Variants in SCN7A observed in about 807,000 individuals in gnomAD.
The protein encoded by SCN7A is sodium voltage-gated channel alpha subunit 7.
A neutral mutation model predicts 155.2 loss-of-function variants in SCN7A; 138 were observed. The observed-to-expected ratio is 0.89, with a 90% CI of 0.77 to 1.02. SCN7A has a LOEUF of 1.02. SCN7A is among the 50% of genes least tolerant of loss of function. The probability of loss-of-function intolerance (pLI) is 0.00; values close to 1 mark genes in which losing one functional copy is unlikely to be tolerated. For missense variants in SCN7A, 2,058 were observed against 1,986.6 expected, an observed-to-expected ratio of 1.04 and a Z score of -0.68; for synonymous variants, 693 against 649.0, an observed-to-expected ratio of 1.07 and a Z score of -1.03.
chr2:166,443,584 A>T lies in SCN7A; in HGVS notation c.1719T>A (p.Asp573Glu). The T allele has an allele frequency of 1.9e-6, 3 of 1,587,644 alleles. No homozygotes were observed. The highest frequency in any genetic ancestry group is 2.6e-6 in the Non-Finnish European group (3 of 1,165,966). The change falls in exon 14 of 26, where the codon GAT becomes GAA. Residue 573 changes from aspartate to glutamate, a missense_variant. Asp to Glu is a conservative substitution (Grantham distance 45). Coordinates refer to ENST00000643258, the MANE Select transcript of SCN7A (RefSeq NM_002976.4). Reference sequence around the variant, plus strand: ...TTAAACCATGGAACACTATCATGCTATCAAAAATGTTCCAACCTACTTGGA... The same window carrying T: ...TTAAACCATGGAACACTATCATGCTTTCAAAAATGTTCCAACCTACTTGGA... ...GYFQVGWNIF[D>E]SMIVFHGLIE...
intron 15 of SCN7A, among the ~76,000 whole-genome samples, chr2:166,436,104 T>C (rs1410871331): frequency 6.6e-6 from 1 of 152,190 alleles, no homozygotes; most frequent in African/African-American, 2.4e-5. Context: ...CCATTAAGTA[T>C]GGTCAGGTTC....
chr2:166,465,481 C>G lies in SCN7A; in HGVS notation c.922G>C (p.Gly308Arg). Residue 308 changes from glycine (G) to arginine (R), a missense_variant, in exon 9 of 26, where the codon GGC (glycine) becomes CGC (arginine). Transcript: ENST00000643258. The stretch of plus-strand genomic sequence containing the variant: ...ACCTACCCAGCATCTGTCCTGTTGC[C>G]ACAAAGGAGAGCATATCTTTCTCCT... ...LEGERYALLC[G>R]NRTDAGQCPE... 6.2e-7 allele frequency: 1 copy of G among 1,610,010 alleles called. No homozygotes were observed. Among genetic ancestry groups the G allele is most frequent in the African/African-American group, 1.3e-5 (1 of 74,954 alleles).
At chr2:166,416,544 G>C (rs1701381226) in intron 21 of SCN7A, among the ~76,000 whole-genome samples, 163 bp downstream of exon 21, 1 of 152,062 alleles carries the variant, frequency 6.6e-6, no homozygotes, top group Non-Finnish European at 1.5e-5. Flanking sequence ...TGAAATATTT[G>C]GGATGGGTTC....
intron 7 of SCN7A, among the ~76,000 whole-genome samples, chr2:166,468,229 A>G (rs1235015260): frequency 6.6e-6 from 1 of 152,052 alleles, no homozygotes; most frequent in Non-Finnish European, 1.5e-5. Context: ...ATTATCTATC[A>G]TGATTTATAG....
At chr2:166,449,607 A>G (rs1559110643) in intron 11 of SCN7A, among the ~76,000 whole-genome samples, 1 of 152,128 alleles carries the variant, frequency 6.6e-6, no homozygotes, top group African/African-American at 2.4e-5. Flanking sequence ...ACAGAGCTCC[A>G]GTTCCTCTTT....
Position 166,456,970 on chromosome 2 carries a change from T to G in SCN7A, c.1190A>C (p.Tyr397Ser). Residue 397 changes from tyrosine to serine, a missense_variant, in exon 11 of 26, where the codon TAT becomes TCT. Coordinates refer to ENST00000643258, the MANE Select transcript of SCN7A (RefSeq NM_002976.4). Reference sequence around the variant, plus strand: ...ACCAACTCTCTGCTTTTCTTCTTCATAGGCCATGGCAAGTATGCCTAAGAA... The same window carrying G: ...ACCAACTCTCTGCTTTTCTTCTTCAGAGGCCATGGCAAGTATGCCTAAGAA... ...SLFLGILAMAYEEEKQRVGEI... is the reference protein window; with the variant it reads ...SLFLGILAMASEEEKQRVGEI... The G allele has an allele frequency of 6.2e-7, 1 of 1,604,212 alleles. No individual in the cohort carries two copies. Among genetic ancestry groups the G allele is most frequent in the Non-Finnish European group, 8.5e-7 (1 of 1,175,172 alleles).
chr2:166,437,660 C>A (rs1310479210), intron 15 of SCN7A, among the ~76,000 whole-genome samples: 1 of 152,168 alleles, frequency 6.6e-6, no homozygotes, highest in Non-Finnish European at 1.5e-5. Flanking sequence ...CCTACAAAGA[C>A]ACAGGGATGG....
rs1302335794 is a variant in SCN7A, at chr2:166,423,363, A to G, written c.2923T>C (p.Phe975Leu). 6.2e-7 allele frequency: 1 copy of G among 1,611,604 alleles called. No homozygotes were observed. Among genetic ancestry groups the G allele is most frequent in the Non-Finnish European group, 8.5e-7 (1 of 1,178,788 alleles). Residue 975 changes from phenylalanine (F) to leucine (L), a missense_variant, in exon 19 of 26, where the codon TTT becomes CTT. Physicochemically the swap from Phe to Leu is conservative, Grantham distance 22. Transcript: ENST00000643258. ...ATTTCCAGAATGAAGATATAAGTAA[A>G]GATCATGTCAGCATATTCTAATAAA... ...KILLEYADMI[F>L]TYIFILEMLL...
At chr2:166,472,488 A>G (rs1174862253) in intron 5 of SCN7A, 43 bp from the exon 6 acceptor site, 1 of 1,405,672 alleles carries the variant, frequency 7.1e-7, no homozygotes, top group Non-Finnish European at 9.9e-7. Context: ...TGAGAATAAT[A>G]CATTGTCAAC....
At chr2:166,487,540 C>A (rs1703079884) in intron 1 of SCN7A, among the ~76,000 whole-genome samples, 1 of 152,184 alleles carries the variant, frequency 6.6e-6, no homozygotes, top group African/African-American at 2.4e-5. Flanking sequence ...GTCACAGCCT[C>A]TTCATTTCCA....
At chr2:166,464,281 A>G (rs190792378) in intron 9 of SCN7A, among the ~76,000 whole-genome samples, 1 of 151,988 alleles carries the variant, frequency 6.6e-6, no homozygotes, top group African/African-American at 2.4e-5. Flanking sequence ...TAACTAAACC[A>G]TATAACTCAT....
chr2:166,474,735 T>C, intron 3 of SCN7A, among the ~76,000 whole-genome samples: 1 of 151,718 alleles, frequency 6.6e-6, no homozygotes, highest in East Asian at 1.9e-4. Flanking sequence ...AAAAGTTCGA[T>C]TTTATTTCAG....
rs1016040667 is a variant in SCN7A, at chr2:166,403,988, C to T, written c.*1592G>A. 1 of 151,320 alleles carries T rather than the reference C, an allele frequency of 6.6e-6. No individual in the cohort carries two copies. The highest frequency in any genetic ancestry group is 2.4e-5 in the African/African-American group (1 of 41,240). 9.4% of individuals were successfully genotyped at this position (151,320 alleles called of 1,614,324 possible). On this transcript the variant is annotated 3_prime_UTR_variant, in exon 26 of 26. Coordinates refer to ENST00000643258, the MANE Select transcript of SCN7A (RefSeq NM_002976.4). ...GAAATTACATTTACTTAGGGCATCCCCTAAAGGCATCTTGGTTAGGTTATT... is the reference window on the plus strand; with the variant it reads ...GAAATTACATTTACTTAGGGCATCCTCTAAAGGCATCTTGGTTAGGTTATT...
At chr2:166,439,055 G>A (rs3058330) in intron 15 of SCN7A, among the ~76,000 whole-genome samples, 15,935 of 112,956 alleles carry the variant, frequency 0.14, 1,198 homozygotes, top group African/African-American at 0.19. Context: ...GTGTGTGTGT[G>A]TATATATATA....
chr2:166,485,298 A>C (rs1195248936), intron 2 of SCN7A, among the ~76,000 whole-genome samples: 1 of 152,196 alleles, frequency 6.6e-6, no homozygotes, highest in Non-Finnish European at 1.5e-5. Flanking sequence ...ATTATGTGTT[A>C]AATTTTCCAA....
intron 2 of SCN7A, among the ~76,000 whole-genome samples, chr2:166,480,845 T>C (rs1371629433): frequency 6.6e-6 from 1 of 152,210 alleles, no homozygotes; most frequent in Non-Finnish European, 1.5e-5. Flanking sequence ...TTTTTCTTTT[T>C]ACGTGAACCA....
intron 10 of SCN7A, among the ~76,000 whole-genome samples, chr2:166,460,234 G>T (rs1007497716): frequency 6.6e-6 from 1 of 152,254 alleles, no homozygotes; most frequent in East Asian, 1.9e-4. Flanking sequence ...GGAAAGAACT[G>T]TCTTGAAACA....
intron 1 of SCN7A, among the ~76,000 whole-genome samples, chr2:166,487,329 C>G (rs952752340): frequency 1.3e-5 from 2 of 152,164 alleles, no homozygotes; most frequent in African/African-American, 4.8e-5. Context: ...TTTGAAACAG[C>G]AACTGCAGCT....
chr2:166,444,660 T>A (rs552963416), intron 13 of SCN7A, 102 bp downstream of exon 13: 123 of 680,214 alleles, frequency 1.8e-4, no homozygotes, highest in Non-Finnish European at 2.7e-4. Flanking sequence ...TTGCAACATA[T>A]TGGAGTTACA....
Sources: gnomAD v4.1 joint callset for allele counts (sites outside exome capture counted in the v4.1 genomes callset) on GRCh38, gnomAD v4.1.1 for gene constraint, MANE v1.5 for transcripts, NCBI Gene and HGNC (gene_info 2026-07-23, HGNC 2026-07-21) for gene names.